REDIC1: variants seen among roughly 807,000 people sequenced by gnomAD.
The protein encoded by REDIC1 is regulator of DNA class I crossover intermediates 1, also known as HEI10 Interacting Protein 1.
the REDIC1 span, among the ~76,000 whole-genome samples, chr12:39,827,243 G>A: frequency 6.6e-6 from 1 of 152,064 alleles, no homozygotes; most frequent in South Asian, 2.1e-4. Flanking sequence ...CAAAGGCAGT[G>A]TGAAATGAGA....
At chr12:39,794,139 A>G in the REDIC1 span, among the ~76,000 whole-genome samples, 2 of 151,330 alleles carry the variant, frequency 1.3e-5, no homozygotes, top group African/African-American at 4.8e-5. Context: ...AAAAAAAAAA[A>G]AAAAAAAAAA....
the REDIC1 span, chr12:39,682,731 T>G: frequency 6.2e-7 from 1 of 1,613,374 alleles, no homozygotes; most frequent in Non-Finnish European, 8.5e-7. Context: ...TACAGCATAT[T>G]TGGGGGAAAA....
chr12:39,849,043 G>A, the REDIC1 span, among the ~76,000 whole-genome samples: 2 of 152,030 alleles, frequency 1.3e-5, no homozygotes, highest in Non-Finnish European at 2.9e-5. Flanking sequence ...TGGGAGGAGG[G>A]AGAGGAACAA....
At chr12:39,821,839 A>T in the REDIC1 span, among the ~76,000 whole-genome samples, 2 of 152,228 alleles carry the variant, frequency 1.3e-5, no homozygotes, top group Non-Finnish European at 2.9e-5. Context: ...GGTAGCAGAT[A>T]CTTTGAACAA....
At chr12:39,849,627 G>C in the REDIC1 span, among the ~76,000 whole-genome samples, 2 of 152,092 alleles carry the variant, frequency 1.3e-5, no homozygotes, top group African/African-American at 4.8e-5. Context: ...TCTTTGTTTA[G>C]TGCTACAATT....
chr12:39,834,681 A>T, the REDIC1 span, among the ~76,000 whole-genome samples: 4 of 151,898 alleles, frequency 2.6e-5, no homozygotes, highest in African/African-American at 9.7e-5. Flanking sequence ...TGGGAACTGT[A>T]TTTGTGCTAA....
At chr12:39,628,168 C>T in the REDIC1 span, among the ~76,000 whole-genome samples, 1 of 152,108 alleles carries the variant, frequency 6.6e-6, no homozygotes, top group Non-Finnish European at 1.5e-5. Context: ...GATCAACTTT[C>T]ACACAAACAT....
chr12:39,783,247 C>G, the REDIC1 span, among the ~76,000 whole-genome samples: 491 of 152,296 alleles, frequency 3.2e-3, 7 homozygotes, highest in African/African-American at 0.012. Flanking sequence ...ATATGTGCCA[C>G]ATTTTCTTAA....
At chr12:39,737,917 TAGAA>T in the REDIC1 span, among the ~76,000 whole-genome samples, 3 of 152,196 alleles carry the variant, frequency 2.0e-5, no homozygotes, top group Admixed American at 1.3e-4. Context: ...TGAGTGTCCA[TAGAA>T]AGAATCTACC....
the REDIC1 span, among the ~76,000 whole-genome samples, chr12:39,727,310 C>G: frequency 1.3e-5 from 2 of 152,090 alleles, no homozygotes; most frequent in South Asian, 4.1e-4. Flanking sequence ...CTTAATCCAT[C>G]TTGAGTTAAA....
chr12:39,644,012 G>T, the REDIC1 span: 3 of 1,019,350 alleles, frequency 2.9e-6, no homozygotes, highest in African/African-American at 3.4e-5. Context: ...CTCAAAGCAT[G>T]TGGAAAATTA....
chr12:39,699,466 T>C, the REDIC1 span, among the ~76,000 whole-genome samples: 48 of 151,980 alleles, frequency 3.2e-4, no homozygotes, highest in African/African-American at 1.1e-3. Context: ...AGGGAGTCTC[T>C]CTGATTGCTA....
At chr12:39,752,594 G>A in the REDIC1 span, among the ~76,000 whole-genome samples, 4 of 152,002 alleles carry the variant, frequency 2.6e-5, no homozygotes, top group East Asian at 1.9e-4. Flanking sequence ...TAATGTATTC[G>A]GGTGAAAGGC....
chr12:39,780,117 C>T, the REDIC1 span, among the ~76,000 whole-genome samples: 2 of 152,106 alleles, frequency 1.3e-5, no homozygotes, highest in East Asian at 1.9e-4. Context: ...AGAGACTTAC[C>T]GTATACAAAA....
the REDIC1 span, among the ~76,000 whole-genome samples, chr12:39,896,507 TAC>T: frequency 1.9e-4 from 28 of 146,240 alleles, no homozygotes; most frequent in African/African-American, 5.3e-4. Flanking sequence ...TATATGTATG[TAC>T]ATGTGTGTAT....
chr12:39,896,564 ATATG>A, the REDIC1 span, among the ~76,000 whole-genome samples: 2,179 of 110,750 alleles, frequency 0.02, 86 homozygotes, highest in Admixed American at 0.071. Flanking sequence ...ATGTATACAT[ATATG>A]TATGTATGTG....
chr12:39,803,962 C>G, the REDIC1 span, among the ~76,000 whole-genome samples: 2 of 151,466 alleles, frequency 1.3e-5, no homozygotes, highest in South Asian at 2.1e-4. Context: ...ATTAAAAAAA[C>G]AACAGGGCTC....
chr12:39,905,443 G>A, the REDIC1 span, among the ~76,000 whole-genome samples: 1 of 152,136 alleles, frequency 6.6e-6, no homozygotes, highest in African/African-American at 2.4e-5. Flanking sequence ...ACTCCAGGCT[G>A]AATGTATCAT....
chr12:39,797,763 C>T, the REDIC1 span, among the ~76,000 whole-genome samples: 1 of 152,082 alleles, frequency 6.6e-6, no homozygotes, highest in South Asian at 2.1e-4. Context: ...CACACACACA[C>T]ACACACACAC....
Sources: gnomAD v4.1 joint callset for allele counts (sites outside exome capture counted in the v4.1 genomes callset) on GRCh38, gnomAD v4.1.1 for gene constraint, MANE v1.5 for transcripts, NCBI Gene and HGNC (gene_info 2026-07-23, HGNC 2026-07-21) for gene names.